GOLGA1: variants seen among roughly 807,000 people sequenced by gnomAD.
GOLGA1 encodes the protein golgin subfamily A member 1.
Under a neutral mutation model 119.7 loss-of-function variants are expected in GOLGA1, and 63 were observed. The ratio of observed to expected loss-of-function variants is 0.53; its 90% CI spans 0.43 to 0.65. The LOEUF (loss-of-function observed/expected upper bound fraction) is 0.65. Ranked by LOEUF, GOLGA1 falls within the 30% of genes least tolerant of loss-of-function variation. GOLGA1 has a pLI of 0.00. For missense variants in GOLGA1, 798 were observed against 912.8 expected (o/e 0.87, Z 1.62); for synonymous variants, 318 against 333.4 (o/e 0.95, Z 0.50).
chr9:124,880,004 AAG>A lies in GOLGA1; in HGVS notation c.*524_*525del, dbSNP rs1394692489. 1 of 152,732 alleles carries A rather than the reference AAG, an allele frequency of 6.5e-6. No individual in the cohort carries two copies. Among genetic ancestry groups the A allele is most frequent in the African/African-American group, 2.4e-5 (1 of 41,462 alleles). 9.5% of individuals were successfully genotyped at this position (152,732 alleles called of 1,614,324 possible). The stretch of plus-strand genomic sequence containing the variant: ...CTAGGTGGTTTGAGAGACAGGGTGA[AAG>A]AATATTTTCTTGAGAGGAAGGGATA... On this transcript the variant is annotated 3_prime_UTR_variant, in exon 23 of 23. Coordinates refer to ENST00000373555, the MANE Select transcript of GOLGA1 (RefSeq NM_002077.4).
chr9:124,915,208 C>T (rs1204962663), intron 10 of GOLGA1, among the ~76,000 whole-genome samples: 2 of 152,172 alleles, frequency 1.3e-5, no homozygotes, highest in African/African-American at 4.8e-5. Flanking sequence ...CTGTCATTGA[C>T]TCCAGCTGTA....
At chr9:124,916,877 C>CAAAAAAAA (rs71494043) in intron 10 of GOLGA1, among the ~76,000 whole-genome samples, 28 of 41,150 alleles carry the variant, frequency 6.8e-4, no homozygotes, top group Admixed American at 1.2e-3. Context: ...CCCTGACACA[C>CAAAAAAAA]AAAAAAAAAA....
At chr9:124,882,019 G>A in intron 20 of GOLGA1, 65 bp from the exon 21 acceptor site, 7 of 1,208,940 alleles carry the variant, frequency 5.8e-6, no homozygotes, top group Non-Finnish European at 8.2e-6. Flanking sequence ...AATCACACGG[G>A]AGGTTCACCT....
intron 15 of GOLGA1, 25 bp downstream of exon 15, chr9:124,898,524 A>C: frequency 7.6e-7 from 1 of 1,316,236 alleles, no homozygotes; most frequent in Non-Finnish European, 1.1e-6. Flanking sequence ...ACTTTTATGA[A>C]ACTTTGATTC....
chr9:124,914,635 G>C (rs185513201), intron 10 of GOLGA1, among the ~76,000 whole-genome samples: 5 of 152,356 alleles, frequency 3.3e-5, no homozygotes, highest in Admixed American at 2.6e-4. Flanking sequence ...AGGGTCAAGG[G>C]AACGCTGCAA....
intron 3 of GOLGA1, among the ~76,000 whole-genome samples, chr9:124,936,902 TAATA>T (rs1830881332): frequency 6.6e-6 from 1 of 152,200 alleles, no homozygotes; most frequent in African/African-American, 2.4e-5. Flanking sequence ...CAGTATTAAA[TAATA>T]AATTGTTTAT....
chr9:124,899,233 G>A (rs1830046082), intron 14 of GOLGA1, 96 bp downstream of exon 14: 2 of 1,168,136 alleles, frequency 1.7e-6, no homozygotes, highest in African/African-American at 1.5e-5. Flanking sequence ...TGGTTTCCTA[G>A]TGCAGAGGTG....
At chr9:124,904,873 G>A (rs1305080669) in intron 12 of GOLGA1, among the ~76,000 whole-genome samples, 1 of 151,676 alleles carries the variant, frequency 6.6e-6, no homozygotes, top group Non-Finnish European at 1.5e-5. Flanking sequence ...GGACACAGGA[G>A]GCAGAGAGAG....
intron 11 of GOLGA1, among the ~76,000 whole-genome samples, chr9:124,910,503 A>G (rs559419170): frequency 1.3e-5 from 2 of 152,368 alleles, no homozygotes; most frequent in South Asian, 4.1e-4. Context: ...TCCGGTTATC[A>G]TTCTAAGCAC....
At chr9:124,943,850 G>A (rs1347159737), upstream of GOLGA1, 5 of 152,248 alleles carry the variant, frequency 3.3e-5, no homozygotes, top group Non-Finnish European at 7.4e-5. Context: ...AAAGTGTCCT[G>A]AAATTACAAT....
chr9:124,942,436 G>A (rs903915841), upstream of GOLGA1, among the ~76,000 whole-genome samples: 1 of 152,044 alleles, frequency 6.6e-6, no homozygotes, highest in Non-Finnish European at 1.5e-5. Flanking sequence ...CTTCCCTCGC[G>A]TGTTCCAGTT....
At chr9:124,920,824 G>A (rs1244097072) in intron 10 of GOLGA1, among the ~76,000 whole-genome samples, 2 of 133,814 alleles carry the variant, frequency 1.5e-5, no homozygotes, top group African/African-American at 2.8e-5. Context: ...ATACCTGGGC[G>A]ACAAGAGCAA....
At chr9:124,882,430 G>T in intron 20 of GOLGA1, 80 bp downstream of exon 20, 1 of 1,010,176 alleles carries the variant, frequency 9.9e-7, no homozygotes, top group Non-Finnish European at 1.5e-6. Context: ...TAGTCAGGCG[G>T]CGAGGGACCT....
chr9:124,904,181 C>T (rs1243746724), intron 12 of GOLGA1, among the ~76,000 whole-genome samples: 1 of 150,720 alleles, frequency 6.6e-6, no homozygotes, highest in Non-Finnish European at 1.5e-5. Flanking sequence ...AAGCCAGACA[C>T]AAAAGGACAA....
At chr9:124,903,153 C>T (rs937902082) in intron 12 of GOLGA1, among the ~76,000 whole-genome samples, 1 of 152,166 alleles carries the variant, frequency 6.6e-6, no homozygotes, top group African/African-American at 2.4e-5. Context: ...TAGCATTATT[C>T]ACAACAGCCA....
At chr9:124,895,377 A>AGAACCCTCCACAACAG (rs1438086817) in intron 15 of GOLGA1, among the ~76,000 whole-genome samples, 16 of 147,704 alleles carry the variant, frequency 1.1e-4, no homozygotes, top group African/African-American at 3.8e-4. Context: ...TCCACAACAG[A>AGAACCCTCCACAACAG]GAACCCTCCA....
intron 3 of GOLGA1, among the ~76,000 whole-genome samples, chr9:124,937,122 T>C (rs1830888746): frequency 6.6e-6 from 1 of 152,054 alleles, no homozygotes; most frequent in Non-Finnish European, 1.5e-5. Flanking sequence ...ATTACATACA[T>C]TCTTTTATAT....
Position 124,923,178 on chromosome 9 carries a change from T to G in GOLGA1, c.478A>C (p.Ser160Arg), listed in dbSNP as rs1311778876. 6.3e-7 allele frequency: 1 copy of G among 1,597,484 alleles called. No homozygotes were observed. Among genetic ancestry groups the G allele is most frequent in the Non-Finnish European group, 8.6e-7 (1 of 1,166,004 alleles). The change falls in exon 8 of 23, where the codon AGT becomes CGT. Residue 160 changes from serine (S) to arginine (R), a missense_variant. Ser to Arg is a moderately radical substitution (Grantham distance 110). Coordinates refer to ENST00000373555, the MANE Select transcript of GOLGA1 (RefSeq NM_002077.4). ...TCTCTCCTTTGGAAAAGATTCATAC[T>G]CTGGTTCTTCATTTCCTGTAACTGG... ...TAQLQEMKNQSMNLFQRRDEM... is the reference protein window; with the variant it reads ...TAQLQEMKNQRMNLFQRRDEM...
chr9:124,891,019 G>A (rs1829843408), intron 15 of GOLGA1, among the ~76,000 whole-genome samples: 1 of 152,150 alleles, frequency 6.6e-6, no homozygotes, highest in Non-Finnish European at 1.5e-5. Context: ...AGCCGAGCAT[G>A]GTGTCACATG....
Sources: allele counts gnomAD v4.1 joint callset (sites outside exome capture counted in the v4.1 genomes callset), GRCh38; gene constraint gnomAD v4.1.1; transcripts MANE v1.5; gene names NCBI Gene and HGNC (gene_info 2026-07-23, HGNC 2026-07-21).